RRM1: variants seen among roughly 807,000 people sequenced by gnomAD.
RRM1 encodes the protein ribonucleotide reductase catalytic subunit M1.
RRM1 carries 19 observed loss-of-function variants against 101.5 expected under a neutral mutation model. That is an observed-to-expected ratio of 0.19 (90% CI 0.13 to 0.27). RRM1 has a LOEUF of 0.27. Ranked by LOEUF, RRM1 falls within the 10% of genes least tolerant of loss-of-function variation. The pLI, the probability that RRM1 is intolerant of heterozygous loss-of-function variation, is 1.00. For missense variants in RRM1, 500 were observed against 962.9 expected (o/e 0.52, Z 6.36); for synonymous variants, 298 against 323.4 (o/e 0.92, Z 0.84).
intron 1 of RRM1, among the ~76,000 whole-genome samples, chr11:4,097,077 G>C (rs1275239583): frequency 6.6e-6 from 1 of 151,748 alleles, no homozygotes; most frequent in Non-Finnish European, 1.5e-5. Context: ...TTGAGGTGTG[G>C]AGTTTGAGAC....
Position 4,136,614 on chromosome 11 carries a change from A to G in RRM1, c.2190+1344A>G, listed in dbSNP as rs186675187. Among the ~76,000 whole-genome samples, 729 of 151,658 alleles carry G rather than the reference A, an allele frequency of 4.8e-3. 10 individuals are homozygous for G. The highest frequency in any genetic ancestry group is 0.017 in the African/African-American group (692 of 41,298). On this transcript the variant is annotated intron_variant, in intron 18 of 18. Coordinates refer to ENST00000300738, the MANE Select transcript of RRM1 (RefSeq NM_001033.5). Reference sequence around the variant, plus strand: ...GCTCTGTTGCCCAGGCTGGAGTGCAATGATACAGTCTTGGCTCACTGCAAC... The same window carrying G: ...GCTCTGTTGCCCAGGCTGGAGTGCAGTGATACAGTCTTGGCTCACTGCAAC...
intron 18 of RRM1, among the ~76,000 whole-genome samples, chr11:4,136,193 T>G (rs183649979): frequency 1.4e-3 from 209 of 151,628 alleles, no homozygotes; most frequent in Non-Finnish European, 2.5e-3. Context: ...AAGTTTGATC[T>G]GGTTCATGGG....
intron 1 of RRM1, among the ~76,000 whole-genome samples, chr11:4,100,937 G>A (rs987699846): frequency 1.3e-5 from 2 of 152,110 alleles, no homozygotes; most frequent in South Asian, 2.1e-4. Context: ...AATAAAGGTC[G>A]GATGAGCTAC....
At chr11:4,130,253 C>G (rs2094597707) in intron 15 of RRM1, among the ~76,000 whole-genome samples, 1 of 151,314 alleles carries the variant, frequency 6.6e-6, no homozygotes, top group African/African-American at 2.4e-5. Flanking sequence ...TTCTGCCAAC[C>G]ATTTGTCTCA....
At chr11:4,134,763 T>G (rs550289108) in intron 17 of RRM1, among the ~76,000 whole-genome samples, 5 of 152,374 alleles carry the variant, frequency 3.3e-5, no homozygotes, top group Non-Finnish European at 7.3e-5. Flanking sequence ...TGACTTTTCC[T>G]TTCTTTAAGT....
intron 4 of RRM1, 33 bp downstream of exon 4, chr11:4,107,568 TGA>T (rs747476201): frequency 2.1e-6 from 3 of 1,404,118 alleles, no homozygotes; most frequent in Admixed American, 1.8e-5. Flanking sequence ...GGAAATTTTT[TGA>T]GAGTCTTTTT....
Position 4,094,963 on chromosome 11 carries a change from A to G in RRM1, c.-50A>G. Reference sequence around the variant, plus strand: ...ACCTTCTCGATCCCGCCGGCGCTTTAGAGCCGCAGTCCAGTCTTGGATCCT... The same window carrying G: ...ACCTTCTCGATCCCGCCGGCGCTTTGGAGCCGCAGTCCAGTCTTGGATCCT... On this transcript the variant is annotated 5_prime_UTR_variant, in exon 1 of 19. Coordinates refer to ENST00000300738, the MANE Select transcript of RRM1 (RefSeq NM_001033.5). 1 of 1,552,092 alleles carries G rather than the reference A, an allele frequency of 6.4e-7. No homozygotes were observed. Among genetic ancestry groups the G allele is most frequent in the Non-Finnish European group, 8.7e-7 (1 of 1,147,034 alleles).
At position 4,103,002 on chromosome 11, in the gene RRM1, A is replaced by G. The variant is rs560463945; in HGVS notation, c.108+921A>G. ...CTTCCTTAAATGAGAATCTCTAAGA[A>G]CTCTTTTTTTCAAATCCACCCATAT... is the stretch of plus-strand genomic sequence containing the variant. On this transcript the variant is annotated intron_variant, in intron 2 of 18. Transcript: ENST00000300738. Among the ~76,000 whole-genome samples, 8 of 151,446 alleles carry G rather than the reference A, an allele frequency of 5.3e-5. No individual in the cohort carries two copies. The South Asian group carries it at 1.7e-3, about 32-fold the overall frequency.
rs1360434702 is a variant in RRM1, at chr11:4,097,035, A to C, written c.19+2004A>C. Among the ~76,000 whole-genome samples the C allele has an allele frequency of 2.6e-5, 4 of 151,850 alleles. No homozygotes were observed. The East Asian group carries it at 7.7e-4, about 29-fold the overall frequency. On this transcript the variant is annotated intron_variant, in intron 1 of 18. Coordinates refer to ENST00000300738, the MANE Select transcript of RRM1 (RefSeq NM_001033.5). ...CATGGTGGCTCACGCCTGTAATCCC[A>C]GCACTTTGGGAGGCTGAGGTGGGTG...
intron 1 of RRM1, among the ~76,000 whole-genome samples, chr11:4,099,948 C>G (rs933272962): frequency 1.3e-5 from 2 of 152,050 alleles, no homozygotes; most frequent in Admixed American, 6.6e-5. Flanking sequence ...TGCTTTCCCC[C>G]CCCACTGCAT....
chr11:4,106,216 G>A lies in RRM1; in HGVS notation c.279G>A (p.Val93=). ...ACTTGCACAAAGAAACAAAGAAAGT[G>A]TTCAGTGGTAAGTCTGGGGTGAAAA... ...VSNLHKETKK[V]FSDVMEDLYN... The change falls in exon 3 of 19, where the codon GTG becomes GTA. Residue 93 remains valine, a synonymous_variant. Coordinates refer to ENST00000300738, the MANE Select transcript of RRM1 (RefSeq NM_001033.5). 1 of 1,613,300 alleles carries A rather than the reference G, an allele frequency of 6.2e-7. No homozygotes were observed. Among genetic ancestry groups the A allele is most frequent in the Non-Finnish European group, 8.5e-7 (1 of 1,179,606 alleles).
chr11:4,104,542 A>G (rs2268165), intron 2 of RRM1, among the ~76,000 whole-genome samples: 6,733 of 152,210 alleles, frequency 0.044, 275 homozygotes, highest in East Asian at 0.19. Flanking sequence ...TGTGGCCTTG[A>G]AAACAGTGAA....
chr11:4,096,230 GT>G (rs1026739687), intron 1 of RRM1, among the ~76,000 whole-genome samples: 1 of 152,192 alleles, frequency 6.6e-6, no homozygotes, highest in African/African-American at 2.4e-5. Flanking sequence ...GTCTTGCTGT[GT>G]TTCCCAGTCT....
rs2094601757 is a variant in RRM1, at chr11:4,132,242, A to G, written c.1770-44A>G. The stretch of plus-strand genomic sequence containing the variant: ...CTTAAAGTAGCTGCTTTCCTGGCAG[A>G]TTGTAGCTTTGGGACTAGTACCTGA... On this transcript the variant is annotated intron_variant, in intron 15 of 18. Transcript: ENST00000300738. The surrounding 1 kb of genome is among the most constrained non-coding windows in gnomAD (Gnocchi z 4.1). 1.2e-6 allele frequency: 2 copies of G among 1,607,346 alleles called. No individual in the cohort carries two copies. Among genetic ancestry groups the G allele is most frequent in the African/African-American group, 2.7e-5 (2 of 74,732 alleles).
chr11:4,100,718 G>C (rs1251613911), intron 1 of RRM1, among the ~76,000 whole-genome samples: 1 of 152,144 alleles, frequency 6.6e-6, no homozygotes. Context: ...AGGTATAGTT[G>C]TAACTATGCC....
At chr11:4,125,315 T>C (rs2094587887) in intron 12 of RRM1, among the ~76,000 whole-genome samples, 1 of 152,182 alleles carries the variant, frequency 6.6e-6, no homozygotes, top group Non-Finnish European at 1.5e-5. Context: ...TAATATATTT[T>C]CTGTCTCTAG....
At chr11:4,111,535 A>T in intron 5 of RRM1, 66 bp from the exon 6 acceptor site, 1 of 1,039,150 alleles carries the variant, frequency 9.6e-7, no homozygotes. Flanking sequence ...CTTATTGTGG[A>T]TGATATATCC....
chr11:4,122,128 C>T lies in RRM1; in HGVS notation c.1039-13C>T, dbSNP rs1422021535. 7 of 1,603,448 alleles carry T rather than the reference C, an allele frequency of 4.4e-6. No homozygotes were observed. Among genetic ancestry groups the T allele is most frequent in the Non-Finnish European group, 6.0e-6 (7 of 1,173,320 alleles). ...GAAGTTTCTTATGAGTGATTTTGTC[C>T]TTTCCTTTTTAGGACTGGTCTTTGA... is the stretch of plus-strand genomic sequence containing the variant. On this transcript the variant is annotated splice_polypyrimidine_tract_variant and intron_variant, in intron 10 of 18. Transcript: ENST00000300738.
chr11:4,135,491 T>C (rs1422868094), intron 18 of RRM1, among the ~76,000 whole-genome samples: 4 of 152,224 alleles, frequency 2.6e-5, no homozygotes, highest in African/African-American at 4.8e-5. Context: ...GTTTGAAACC[T>C]TGTAGTTACC....
Sources: allele counts gnomAD v4.1 joint callset (sites outside exome capture counted in the v4.1 genomes callset), GRCh38; gene constraint gnomAD v4.1.1; non-coding constraint Gnocchi (gnomAD v3.1); transcripts MANE v1.5; gene names NCBI Gene and HGNC (gene_info 2026-07-23, HGNC 2026-07-21).